Variants in IFI44L observed in about 807,000 individuals in gnomAD.
The protein encoded by IFI44L is interferon induced protein 44 like, also known as interferon-induced protein 44-like.
IFI44L carries 40 observed loss-of-function variants against 39.3 expected under a neutral mutation model. The ratio of observed to expected loss-of-function variants is 1.02; its 90% CI spans 0.79 to 1.33. The LOEUF is 1.33. Ranked by LOEUF, IFI44L falls within the 40% of genes most tolerant of loss-of-function variation. IFI44L has a pLI of 0.00. For missense variants in IFI44L, 623 were observed against 549.0 expected, an observed-to-expected ratio of 1.13 and a Z score of -1.35; for synonymous variants, 198 against 182.3, an observed-to-expected ratio of 1.09 and a Z score of -0.69.
rs1253941401 is a variant in IFI44L, at chr1:78,642,223, T to A, written c.*414T>A. The stretch of plus-strand genomic sequence containing the variant: ...TGAGAAACAGCGTGGATTTTACTTA[T>A]CTGTGTATTCACAGAGCTTAGCACA... On this transcript the variant is annotated 3_prime_UTR_variant, in exon 9 of 9. Transcript: ENST00000370751. 1 of 200,536 alleles carries A rather than the reference T, an allele frequency of 5.0e-6. No homozygotes were observed. Among genetic ancestry groups the A allele is most frequent in the Non-Finnish European group, 1.0e-5 (1 of 97,002 alleles). The allele number at this position is 200,536 out of a possible 1,614,324, so 12.4% of individuals were successfully genotyped here.
chr1:78,622,770 A>G (rs184684563), intron 1 of IFI44L, among the ~76,000 whole-genome samples: 97 of 152,324 alleles, frequency 6.4e-4, no homozygotes, highest in African/African-American at 2.3e-3. Flanking sequence ...AACTGAGGAT[A>G]ACCTCTGATC....
chr1:78,637,019 G>A lies in IFI44L; in HGVS notation c.877-13G>A. 4 of 1,594,876 alleles carry A rather than the reference G, an allele frequency of 2.5e-6. No individual in the cohort carries two copies. The highest frequency in any genetic ancestry group is 2.6e-6 in the Non-Finnish European group (3 of 1,165,264). On this transcript the variant is annotated splice_polypyrimidine_tract_variant and intron_variant, in intron 5 of 8. Transcript: ENST00000370751. ...CTCTGATTTCTGAATGTTACCTTAT[G>A]TTTTTATAACAGTTTAATTCCCGTA...
chr1:78,634,763 G>A (rs977590846), intron 4 of IFI44L, among the ~76,000 whole-genome samples: 2 of 151,390 alleles, frequency 1.3e-5, no homozygotes, highest in African/African-American at 4.8e-5. Context: ...TAAAGGACAT[G>A]CAATATGGAA....
intron 1 of IFI44L, among the ~76,000 whole-genome samples, chr1:78,625,458 T>C (rs188917080): frequency 5.3e-5 from 8 of 152,254 alleles, no homozygotes; most frequent in African/African-American, 1.9e-4. Flanking sequence ...TTATCGTTTA[T>C]CATTTATTGC....
intron 1 of IFI44L, chr1:78,626,869 C>G (rs1652509344): frequency 6.6e-6 from 1 of 151,814 alleles, no homozygotes; most frequent in Admixed American, 6.6e-5. Flanking sequence ...TCTCTAAAGT[C>G]CATCATATCA....
intron 1 of IFI44L, chr1:78,626,731 T>A (rs1034409032): frequency 6.6e-5 from 10 of 152,010 alleles, no homozygotes; most frequent in East Asian, 1.9e-4. Flanking sequence ...GGTTTTTTTT[T>A]ACGTGGATGA....
rs1328948830 is a variant in IFI44L at position 78,641,815 on chromosome 1, G to A, written c.*6G>A. ...CGTTACAGCCCTGCATTTGAGATAA[G>A]TTGCCTTGATTCTGACATTTGGCCC... On this transcript the variant is annotated 3_prime_UTR_variant, in exon 9 of 9. Coordinates refer to ENST00000370751, the MANE Select transcript of IFI44L (RefSeq NM_006820.4). 10 of 1,613,480 alleles carry A rather than the reference G, an allele frequency of 6.2e-6. No homozygotes were observed. Among genetic ancestry groups the A allele is most frequent in the Non-Finnish European group, 7.6e-6 (9 of 1,179,474 alleles).
At chr1:78,625,785 T>C (rs539070907) in intron 1 of IFI44L, 1 of 152,164 alleles carries the variant, frequency 6.6e-6, no homozygotes, top group Admixed American at 6.5e-5. Flanking sequence ...TTTAAACTTA[T>C]ATGATTTTTG....
intron 4 of IFI44L, chr1:78,631,726 T>G (rs1246174475): frequency 6.6e-6 from 1 of 152,176 alleles, no homozygotes; most frequent in Admixed American, 6.5e-5. Context: ...TGTGGACCCC[T>G]TGGGTTCCCG....
Position 78,642,497 on chromosome 1 carries a change from A to C in IFI44L, c.*688A>C, listed in dbSNP as rs1646999375. 6.6e-6 allele frequency: 1 copy of C among 151,830 alleles called. No individual in the cohort carries two copies. Among genetic ancestry groups the C allele is most frequent in the South Asian group, 2.1e-4 (1 of 4,826 alleles). The allele number at this position is 151,830 out of a possible 1,614,324, so 9.4% of individuals were successfully genotyped here. ...CTCAGGATGATTGATTGAGCCTTGG[A>C]GGTGGAGGCTACAGTGAGCTGAGAT... is the stretch of plus-strand genomic sequence containing the variant. On this transcript the variant is annotated 3_prime_UTR_variant, in exon 9 of 9. Coordinates refer to ENST00000370751, the MANE Select transcript of IFI44L (RefSeq NM_006820.4).
In IFI44L at chr1:78,645,428, T is replaced by C. The variant is rs1243380052; in HGVS notation, c.*3619T>C. On this transcript the variant is annotated 3_prime_UTR_variant, in exon 9 of 9. Coordinates refer to ENST00000370751, the MANE Select transcript of IFI44L (RefSeq NM_006820.4). ...GTGCTGGGTAATGTGTAAACTTGTG[T>C]CTTGTTTAGAAAGATAAATTTAAAG... 1 of 152,202 alleles carries C rather than the reference T, an allele frequency of 6.6e-6. No homozygotes were observed. Among genetic ancestry groups the C allele is most frequent in the East Asian group, 1.9e-4 (1 of 5,200 alleles). 9.4% of individuals were successfully genotyped at this position (152,202 alleles called of 1,614,324 possible).
At chr1:78,626,038 C>T (rs955755621) in intron 1 of IFI44L, 1 of 151,650 alleles carries the variant, frequency 6.6e-6, no homozygotes, top group Non-Finnish European at 1.5e-5. Flanking sequence ...TAGAATATCT[C>T]TTCTATATTC....
chr1:78,629,008 G>T lies in IFI44L; in HGVS notation c.527+9G>T, dbSNP rs767255113. On this transcript the variant is annotated intron_variant, in intron 3 of 8. Coordinates refer to ENST00000370751, the MANE Select transcript of IFI44L (RefSeq NM_006820.4). ...ATAATTAAAGCCAGAGAGTAAGTTG[G>T]ATTCTTGGGCTATCTATTAATCATT... The T allele has an allele frequency of 7.1e-6, 11 of 1,556,754 alleles. No homozygotes were observed. The South Asian group carries it at 1.1e-4, about 16-fold the overall frequency.
Position 78,629,660 on chromosome 1 carries a change from TCTTTATGGTATTCTTTATTGG to T in IFI44L, c.528-57_528-37del. ...AGAAGCTCTAGGTGACTTGAGATGTTCTTTATGGTATTCTTTATTGGCTGTTCTGATGCTGTATTTAACCAC... is the reference window on the plus strand; with the variant it reads ...AGAAGCTCTAGGTGACTTGAGATGTTCTGTTCTGATGCTGTATTTAACCAC... On this transcript the variant is annotated intron_variant, in intron 3 of 8. Coordinates refer to ENST00000370751, the MANE Select transcript of IFI44L (RefSeq NM_006820.4). The T allele has an allele frequency of 2.3e-6, 3 of 1,285,676 alleles. No individual in the cohort carries two copies. In the South Asian group the frequency reaches 4.6e-5, roughly 20 times the overall value. The allele number at this position is 1,285,676 out of a possible 1,614,324, so 79.6% of individuals were successfully genotyped here. A position where few individuals can be genotyped will look rare whatever the true frequency, so the allele number is the denominator to read the frequency against.
chr1:78,641,583 TAGA>T lies in IFI44L; in HGVS notation c.1302_1304del (p.Glu434del), dbSNP rs749212370. ...ATGCTGCGGGCTGCAGATGATTTTT[TAGA>T]AGATTTGCCTCTTGAGGAAACTGGT... On this transcript the variant is annotated inframe_deletion, in exon 8 of 9. Transcript: ENST00000370751. 38 of 1,613,518 alleles carry T rather than the reference TAGA, an allele frequency of 2.4e-5. No individual in the cohort carries two copies. Among genetic ancestry groups the T allele is most frequent in the Non-Finnish European group, 3.0e-5 (35 of 1,179,640 alleles).
chr1:78,633,613 T>C (rs1056239750), intron 4 of IFI44L, among the ~76,000 whole-genome samples: 1 of 152,124 alleles, frequency 6.6e-6, no homozygotes, highest in African/African-American at 2.4e-5. Context: ...TCTGCAAAGA[T>C]TGGAATAAGT....
chr1:78,634,995 T>A (rs1652886618), intron 4 of IFI44L, among the ~76,000 whole-genome samples: 1 of 117,112 alleles, frequency 8.5e-6, no homozygotes, highest in African/African-American at 3.4e-5. Context: ...ATTATATATA[T>A]ATATATGTGT....
rs947544602 is a variant in IFI44L at position 78,639,843 on chromosome 1, T to C, written c.1049-1178T>C. Among the ~76,000 whole-genome samples, 25 of 152,096 alleles carry C rather than the reference T, an allele frequency of 1.6e-4. No homozygotes were observed. In the South Asian group the frequency reaches 4.3e-3, roughly 26 times the overall value. On this transcript the variant is annotated intron_variant, in intron 6 of 8. Coordinates refer to ENST00000370751, the MANE Select transcript of IFI44L (RefSeq NM_006820.4). The stretch of plus-strand genomic sequence containing the variant: ...CAGTAGAAAGATCACATATTTAGGT[T>C]CCGAAAAGTGCTATGCCGTTTAATG...
intron 2 of IFI44L, 97 bp from the exon 3 acceptor site, chr1:78,628,854 A>G (rs1652605784): frequency 1.2e-6 from 1 of 806,328 alleles, no homozygotes; most frequent in African/African-American, 1.7e-5. Context: ...GCCCTGGGTT[A>G]TGCAAGAAAA....
Sources: gnomAD v4.1 joint callset for allele counts (sites outside exome capture counted in the v4.1 genomes callset) on GRCh38, gnomAD v4.1.1 for gene constraint, MANE v1.5 for transcripts, NCBI Gene and HGNC (gene_info 2026-07-23, HGNC 2026-07-21) for gene names.